GPM6B: variants seen among roughly 807,000 people sequenced by gnomAD.
GPM6B encodes the protein neuronal membrane glycoprotein M6-b.
Under a neutral mutation model 27.2 loss-of-function variants are expected in GPM6B, and 4 were observed. The observed-to-expected ratio is 0.15, with a 90% CI of 0.07 to 0.34. The LOEUF (loss-of-function observed/expected upper bound fraction) is 0.34, where lower values mean the gene tolerates loss of function less well. Among genes scored for constraint, GPM6B ranks in the 10% least tolerant of loss-of-function variants. GPM6B has a pLI of 1.00. For missense variants in GPM6B, 183 were observed against 261.9 expected, an observed-to-expected ratio of 0.70 and a Z score of 2.08; for synonymous variants, 124 against 103.1, an observed-to-expected ratio of 1.20 and a Z score of -1.23.
chrX:13,773,853 G>A (rs1436419788), intron 7 of GPM6B: 2 of 347,455 alleles, frequency 5.8e-6, no homozygotes, highest in Non-Finnish European at 7.3e-6. Context: ...GAAACAGTTA[G>A]TTATTACTTA....
At chrX:13,838,237 T>C (rs1405587668) in intron 1 of GPM6B, among the ~76,000 whole-genome samples, 1 of 111,937 alleles carries the variant, frequency 8.9e-6, no homozygotes, top group African/African-American at 3.2e-5. Flanking sequence ...CCTGTCACCT[T>C]TGATGTTGCT....
chrX:13,794,557 T>C (rs1486046493), intron 2 of GPM6B, among the ~76,000 whole-genome samples: 1 of 111,168 alleles, frequency 9.0e-6, no homozygotes, highest in Non-Finnish European at 1.9e-5. Context: ...AGCACCAAGA[T>C]GTTATTTACT....
chrX:13,810,575 T>G (rs2049111329), intron 1 of GPM6B, among the ~76,000 whole-genome samples: 1 of 110,735 alleles, frequency 9.0e-6, no homozygotes, highest in Admixed American at 9.6e-5. Context: ...AGAAGATTCA[T>G]CCATGCTCTG....
At position 13,903,373 on chromosome X, in the gene GPM6B, A is replaced by G. The variant is rs753203063; in HGVS notation, c.-198+34954T>C. Among the ~76,000 whole-genome samples, 5 of 112,131 alleles carry G rather than the reference A, an allele frequency of 4.5e-5. 1 individual carries two copies. In the South Asian group the frequency reaches 1.9e-3, roughly 42 times the overall value. On this transcript the variant is annotated intron_variant, in intron 1 of 6. Coordinates refer to the GPM6B transcript ENST00000398361. ...AGGCACCACTCCAGGCACTTTTCTT[A>G]GAGTCAGTATATTATTTACTCTTGA...
At chrX:13,796,082 A>G (rs926503308) in intron 2 of GPM6B, among the ~76,000 whole-genome samples, 2 of 111,293 alleles carry the variant, frequency 1.8e-5, no homozygotes, top group Non-Finnish European at 3.8e-5. Context: ...ACGCACCACC[A>G]TGCTGGCTAA....
chrX:13,790,267 G>A lies in GPM6B; in HGVS notation c.182-4459C>T, dbSNP rs781051605. Among the ~76,000 whole-genome samples the A allele has an allele frequency of 1.2e-3, 133 of 112,212 alleles. 1 individual carries two copies. Among genetic ancestry groups the A allele is most frequent in the African/African-American group, 4.1e-3 (127 of 30,898 alleles). ...TGAGAAGAGCTGAACTTGGATGCTG[G>A]CAGCTTCTACTGGGCAACAAGGAAA... is the stretch of plus-strand genomic sequence containing the variant. On this transcript the variant is annotated intron_variant, in intron 2 of 7. Coordinates refer to ENST00000316715, the MANE Select transcript of GPM6B (RefSeq NM_001001995.3).
At chrX:13,781,226 C>G (rs1044988459) in intron 4 of GPM6B, among the ~76,000 whole-genome samples, 1 of 111,162 alleles carries the variant, frequency 9.0e-6, no homozygotes, top group Non-Finnish European at 1.9e-5. Flanking sequence ...TGCGAGCTGG[C>G]CCTGTCATGG....
chrX:13,843,081 A>G (rs2049599956), intron 1 of GPM6B, among the ~76,000 whole-genome samples: 1 of 111,422 alleles, frequency 9.0e-6, no homozygotes, highest in South Asian at 3.8e-4. Flanking sequence ...TTAGCAGTCA[A>G]TCTGTATTCC....
chrX:13,909,571 C>T (rs993297937), intron 1 of GPM6B, among the ~76,000 whole-genome samples: 9 of 111,712 alleles, frequency 8.1e-5, no homozygotes, highest in African/African-American at 2.6e-4. Flanking sequence ...CAACATGATG[C>T]TAATCATGCC....
At chrX:13,934,480 G>A (rs1359869373) in intron 1 of GPM6B, among the ~76,000 whole-genome samples, 2 of 111,724 alleles carry the variant, frequency 1.8e-5, no homozygotes, top group African/African-American at 6.5e-5. Context: ...AGGGATTTAA[G>A]GAAAAGAGGT....
At chrX:13,856,739 A>G (rs1419707872) in intron 1 of GPM6B, among the ~76,000 whole-genome samples, 1 of 102,140 alleles carries the variant, frequency 9.8e-6, no homozygotes, top group Non-Finnish European at 2.0e-5. Flanking sequence ...TCACTCTGTC[A>G]CCCAGGCTGG....
At position 13,853,786 on chromosome X, in the gene GPM6B, C is replaced by T. The variant is rs373862796; in HGVS notation, c.-197-67978G>A. 2.7e-5 allele frequency among the ~76,000 whole-genome samples: 3 copies of T among 110,278 alleles called. No individual in the cohort carries two copies. In the East Asian group the frequency reaches 8.5e-4, roughly 31 times the overall value. On this transcript the variant is annotated intron_variant, in intron 1 of 6. Coordinates refer to the GPM6B transcript ENST00000398361. ...TAGAAAGGCAGGCTGGTCATGGAGG[C>T]ACCCTCTGCCTAAACATATTGAAAT...
At chrX:13,901,317 A>G (rs1213256259) in intron 1 of GPM6B, among the ~76,000 whole-genome samples, 2 of 111,348 alleles carry the variant, frequency 1.8e-5, no homozygotes, top group Non-Finnish European at 3.8e-5. Context: ...TGTGAGGGAA[A>G]GCAGCCGCTT....
At chrX:13,922,682 TACC>T (rs1920996403) in intron 1 of GPM6B, among the ~76,000 whole-genome samples, 2 of 112,286 alleles carry the variant, frequency 1.8e-5, no homozygotes, top group South Asian at 3.7e-4. Flanking sequence ...AGAGTAGAAA[TACC>T]ACCACTTTTA....
chrX:13,934,906 C>T (rs1187672515), intron 1 of GPM6B, among the ~76,000 whole-genome samples: 2 of 111,471 alleles, frequency 1.8e-5, no homozygotes, highest in Non-Finnish European at 1.9e-5. Flanking sequence ...TCTTTGCTTC[C>T]TGGCTCCAGG....
Position 13,813,947 on chromosome X carries a change from T to C in GPM6B, c.61+2897A>G, listed in dbSNP as rs770436203. 6.2e-5 allele frequency among the ~76,000 whole-genome samples: 7 copies of C among 112,520 alleles called. No homozygotes were observed. In the South Asian group the frequency reaches 2.6e-3, roughly 41 times the overall value. On this transcript the variant is annotated intron_variant, in intron 1 of 7. Transcript: ENST00000316715. ...CCTAAATATCTACTAAATACTCTTG[T>C]GAATTTTGGTATCTGGTAGCATGCT...
At chrX:13,856,255 C>T (rs2049778269) in intron 1 of GPM6B, among the ~76,000 whole-genome samples, 2 of 111,898 alleles carry the variant, frequency 1.8e-5, no homozygotes, top group Admixed American at 1.9e-4. Context: ...TACATGCTCA[C>T]AGAAACCAAA....
At position 13,824,622 on chromosome X, in the gene GPM6B, T is replaced by C. The variant is rs942852965; in HGVS notation, c.-197-38814A>G. Among the ~76,000 whole-genome samples the C allele has an allele frequency of 4.4e-4, 49 of 111,504 alleles. 1 individual carries two copies. Among genetic ancestry groups the C allele is most frequent in the Non-Finnish European group, 5.7e-5 (3 of 53,027 alleles). On this transcript the variant is annotated intron_variant, in intron 1 of 6. Transcript: ENST00000398361. ...GAAGAGGGCAGAGTCAGGGCGACCA[T>C]ACTTGATTAGGGAAGAGGTGGGGAC...
At chrX:13,805,511 A>T (rs933474358) in intron 2 of GPM6B, among the ~76,000 whole-genome samples, 3 of 112,243 alleles carry the variant, frequency 2.7e-5, no homozygotes, top group African/African-American at 9.7e-5. Flanking sequence ...GGAAACCCAA[A>T]TTCTTTGGAA....
Sources: gnomAD v4.1 joint callset for allele counts (sites outside exome capture counted in the v4.1 genomes callset) on GRCh38, gnomAD v4.1.1 for gene constraint, MANE v1.5 for transcripts, NCBI Gene and HGNC (gene_info 2026-07-23, HGNC 2026-07-21) for gene names.